The following REV3L variants were observed in gnomAD, a reference collection of about 807,000 sequenced individuals.
The protein encoded by REV3L is DNA polymerase zeta catalytic subunit.
REV3L carries 69 observed loss-of-function variants against 299.4 expected under a neutral mutation model. The observed-to-expected ratio is 0.23, with a 90% CI of 0.19 to 0.28. The LOEUF (loss-of-function observed/expected upper bound fraction) is 0.28. Among genes scored for constraint, REV3L ranks in the 10% least tolerant of loss-of-function variants. The pLI, the probability that REV3L is intolerant of heterozygous loss-of-function variation, is 1.00. For synonymous variants in REV3L, 1,238 were observed against 1,271.4 expected (o/e 0.97, Z 0.56); for missense variants, 3,128 against 3,693.8 (o/e 0.85, Z 3.97).
At chr6:111,333,820 A>G (rs1424557064) in intron 22 of REV3L, among the ~76,000 whole-genome samples, 2 of 152,306 alleles carry the variant, frequency 1.3e-5, no homozygotes, top group African/African-American at 4.8e-5. Context: ...GAAAAGGGAT[A>G]TATGTAAATC....
rs779568379 is a variant in REV3L, at chr6:111,374,582, G to A, written c.3773C>T (p.Ser1258Phe). Residue 1258 changes from serine to phenylalanine, a missense_variant, in exon 13 of 32, where the codon TCT (serine) becomes TTT (phenylalanine). Coordinates refer to ENST00000368802, the MANE Select transcript of REV3L (RefSeq NM_001372078.1). ...ATCTTTCTGTTTAAAAAGTAGTTGA[G>A]AGCCTCCAGAACTACTTGCAAATTC... ...VSEFASSSGG[S>F]QLLFKQKDMP... 3 of 1,613,836 alleles carry A rather than the reference G, an allele frequency of 1.9e-6. No homozygotes were observed. The highest frequency in any genetic ancestry group is 1.7e-6 in the Non-Finnish European group (2 of 1,179,940).
chr6:111,328,810 G>C (rs982970657), intron 25 of REV3L, among the ~76,000 whole-genome samples: 2 of 152,132 alleles, frequency 1.3e-5, no homozygotes, highest in African/African-American at 4.8e-5. Flanking sequence ...CTGTTACCCA[G>C]GGTGGAATGC....
intron 20 of REV3L, among the ~76,000 whole-genome samples, chr6:111,348,178 T>C (rs1777214914): frequency 6.6e-6 from 1 of 152,168 alleles, no homozygotes; most frequent in Non-Finnish European, 1.5e-5. Context: ...ATTGAACTCC[T>C]GGCCTCAAGC....
rs3204954 is a variant in REV3L at position 111,307,394 on chromosome 6, C to G, written c.9219G>C (p.Arg3073=). The G allele has an allele frequency of 0.13, 205,426 of 1,613,480 alleles. 14,809 individuals are homozygous for G. The highest frequency in any genetic ancestry group is 0.17 in the Middle Eastern group (1,021 of 6,060). The change falls in exon 31 of 32, where the codon CGG becomes CGC. Residue 3073 remains arginine (R), a synonymous_variant. Transcript: ENST00000368802. ...HVAVILNQEI[R]ELERQQEQLV... is the part of the protein sequence containing the mutation. ...GTTGCTCCTGTTGACGTTCCAACTC[C>G]CGGATTTCTTGGTTGAGGATGACTG...
chr6:111,370,031 C>G (rs1015274411), intron 13 of REV3L, among the ~76,000 whole-genome samples: 17 of 152,148 alleles, frequency 1.1e-4, no homozygotes, highest in Non-Finnish European at 2.5e-4. Flanking sequence ...TGGGGTTTCA[C>G]CATGTTGGCC....
intron 31 of REV3L, among the ~76,000 whole-genome samples, chr6:111,305,795 G>T (rs549586987): frequency 2.0e-5 from 3 of 151,834 alleles, no homozygotes; most frequent in Non-Finnish European, 4.4e-5. Context: ...TCATTTAGGC[G>T]TCATACTAGG....
intron 11 of REV3L, 145 bp from the exon 12 acceptor site, chr6:111,377,988 C>A (rs1780480382): frequency 3.2e-6 from 2 of 616,270 alleles, no homozygotes; most frequent in South Asian, 3.9e-5. Flanking sequence ...TAAAACAATA[C>A]AAAAAATCTG....
intron 12 of REV3L, 21 bp from the exon 13 acceptor site, chr6:111,376,778 C>A (rs752236092): frequency 6.7e-7 from 1 of 1,498,870 alleles, no homozygotes; most frequent in Non-Finnish European, 8.8e-7. Flanking sequence ...GAGGGAAAAA[C>A]AGTTTATTTC....
intron 21 of REV3L, among the ~76,000 whole-genome samples, chr6:111,336,175 A>T (rs1775879382): frequency 6.6e-6 from 1 of 151,994 alleles, no homozygotes. Flanking sequence ...AAAATATAAA[A>T]GTTCTGTTTT....
chr6:111,389,083 T>A (rs1238953633), intron 7 of REV3L, 23 bp downstream of exon 7: 1 of 1,514,548 alleles, frequency 6.6e-7, no homozygotes, highest in Admixed American at 1.7e-5. Flanking sequence ...AAAAGAATAA[T>A]CAGAGCACTA....
At chr6:111,343,880 CAAT>C (rs749452852) in intron 21 of REV3L, 42 bp downstream of exon 21, 3 of 1,260,982 alleles carry the variant, frequency 2.4e-6, no homozygotes, top group Admixed American at 2.2e-5. Context: ...AATTACATCT[CAAT>C]GATGATTTTA....
At chr6:111,320,295 A>C (rs1774001887) in intron 26 of REV3L, among the ~76,000 whole-genome samples, 1 of 151,444 alleles carries the variant, frequency 6.6e-6, no homozygotes, top group Admixed American at 6.6e-5. Flanking sequence ...CGAACTCCTG[A>C]CCTCAGGTGA....
Position 111,390,065 on chromosome 6 carries a change from TAAG to T in REV3L, c.757+18_757+20del. 1 of 1,507,300 alleles carries T rather than the reference TAAG, an allele frequency of 6.6e-7. No individual in the cohort carries two copies. The highest frequency in any genetic ancestry group is 9.2e-7 in the Non-Finnish European group (1 of 1,085,626). The allele number at this position is 1,507,300 out of a possible 1,614,324, so 93.4% of individuals were successfully genotyped here. On this transcript the variant is annotated intron_variant, in intron 6 of 31. Coordinates refer to ENST00000368802, the MANE Select transcript of REV3L (RefSeq NM_001372078.1). ...AATTTTAAAAAATAAAAACATATAT[TAAG>T]AATAATTGTGTATGAACCTTCAATG...
At chr6:111,452,696 A>G (rs538108809) in intron 1 of REV3L, among the ~76,000 whole-genome samples, 1 of 152,292 alleles carries the variant, frequency 6.6e-6, no homozygotes, top group East Asian at 1.9e-4. Flanking sequence ...GGTGATAGAA[A>G]TATTTTATAT....
At chr6:111,307,683 TC>T (rs1160222172) in intron 30 of REV3L, 113 bp from the exon 31 acceptor site, 1 of 942,796 alleles carries the variant, frequency 1.1e-6, no homozygotes, top group Admixed American at 2.1e-5. Flanking sequence ...ATTCACTCAT[TC>T]AACAAATGTT....
rs1366717632 is a variant in REV3L at position 111,310,376 on chromosome 6, T to C, written c.8796-277A>G. ...ATATCAACTAGCTTAAGATGTATTT[T>C]AGGTGGGAGTGGTGGCTCATGCCTG... On this transcript the variant is annotated intron_variant, in intron 29 of 31. Coordinates refer to ENST00000368802, the MANE Select transcript of REV3L (RefSeq NM_001372078.1). The C allele has an allele frequency of 1.3e-5, 3 of 230,730 alleles. 1 individual carries two copies. Among genetic ancestry groups the C allele is most frequent in the African/African-American group, 6.8e-5 (3 of 43,978 alleles). 14.3% of individuals were successfully genotyped at this position (230,730 alleles called of 1,614,324 possible).
chr6:111,332,404 T>A (rs1003773970), intron 23 of REV3L, among the ~76,000 whole-genome samples: 1 of 152,174 alleles, frequency 6.6e-6, no homozygotes, highest in South Asian at 2.1e-4. Context: ...TAAATAAAAA[T>A]TTATTTTAAC....
At chr6:111,398,183 T>C (rs1782727464) in intron 4 of REV3L, among the ~76,000 whole-genome samples, 3 of 151,898 alleles carry the variant, frequency 2.0e-5, no homozygotes, top group African/African-American at 7.2e-5. Context: ...TGTTACATCT[T>C]TTCAGCACTC....
intron 17 of REV3L, among the ~76,000 whole-genome samples, chr6:111,358,178 A>G (rs1778290096): frequency 6.6e-6 from 1 of 152,200 alleles, no homozygotes; most frequent in African/African-American, 2.4e-5. Context: ...AACCAAAAGT[A>G]TATTATTTAG....
Sources: gnomAD v4.1 joint callset for allele counts (sites outside exome capture counted in the v4.1 genomes callset) on GRCh38, gnomAD v4.1.1 for gene constraint, MANE v1.5 for transcripts, NCBI Gene and HGNC (gene_info 2026-07-23, HGNC 2026-07-21) for gene names.